FRA10AC1: variants seen among roughly 807,000 people sequenced by gnomAD.
FRA10AC1 encodes the protein protein FRA10AC1.
FRA10AC1 carries 43 observed loss-of-function variants against 56.5 expected under a neutral mutation model. That is an observed-to-expected ratio of 0.76 (90% CI 0.60 to 0.98). FRA10AC1 has a LOEUF of 0.98. Among genes scored for constraint, FRA10AC1 ranks in the 50% least tolerant of loss-of-function variants. The pLI is 0.00. For synonymous variants in FRA10AC1, 112 were observed against 110.5 expected, an observed-to-expected ratio of 1.01 and a Z score of -0.09; for missense variants, 346 against 351.8, an observed-to-expected ratio of 0.98 and a Z score of 0.13.
At chr10:93,694,981 T>C in intron 4 of FRA10AC1, 44 bp from the exon 5 acceptor site, 2 of 1,024,412 alleles carry the variant, frequency 2.0e-6, no homozygotes, top group South Asian at 1.3e-5. Flanking sequence ...TAGGAGCTGT[T>C]TGGTGTCATA....
At chr10:93,689,060 GTTTT>G (rs3085158) in intron 7 of FRA10AC1, among the ~76,000 whole-genome samples, 2 of 127,016 alleles carry the variant, frequency 1.6e-5, no homozygotes, top group Non-Finnish European at 1.7e-5. Flanking sequence ...TTGTTGTGGG[GTTTT>G]TTTTTTTTTT....
chr10:93,702,540 G>GCCGCCGCCGCCA lies in FRA10AC1; in HGVS notation c.-167_-166insTGGCGGCGGCGG. On this transcript the variant is annotated 5_prime_UTR_variant, in exon 1 of 14. Coordinates refer to ENST00000359204, the MANE Select transcript of FRA10AC1 (RefSeq NM_145246.5). Reference sequence around the variant, plus strand: ...AACCACCACCGCCGCCGCCGCCGCCGCCGCCGCCCGCAACCCGCCTCTCCC... The same window carrying GCCGCCGCCGCCA: ...AACCACCACCGCCGCCGCCGCCGCCGCCGCCGCCGCCACCGCCGCCCGCAACCCGCCTCTCCC... 4.3e-6 allele frequency: 1 copy of GCCGCCGCCGCCA among 233,222 alleles called. No homozygotes were observed. The highest frequency in any genetic ancestry group is 8.3e-6 in the Non-Finnish European group (1 of 120,726). The allele number at this position is 233,222 out of a possible 1,614,324, so 14.4% of individuals were successfully genotyped here.
At position 93,702,575 on chromosome 10, in the gene FRA10AC1, C is replaced by T. The variant is rs374598208; in HGVS notation, c.-201G>A. 3 of 230,706 alleles carry T rather than the reference C, an allele frequency of 1.3e-5. No homozygotes were observed. Among genetic ancestry groups the T allele is most frequent in the East Asian group, 1.5e-4 (1 of 6,482 alleles). 14.3% of individuals were successfully genotyped at this position (230,706 alleles called of 1,614,324 possible). The stretch of plus-strand genomic sequence containing the variant: ...GCAACCCGCCTCTCCCTACGGGTCC[C>T]GACTGGGCACCACTTCCGGTCCGAC... On this transcript the variant is annotated 5_prime_UTR_variant, in exon 1 of 14. Coordinates refer to ENST00000359204, the MANE Select transcript of FRA10AC1 (RefSeq NM_145246.5).
In FRA10AC1 at chr10:93,702,543, GCCGC is replaced by G; in HGVS notation, c.-173_-170del. 1 of 226,598 alleles carries G rather than the reference GCCGC, an allele frequency of 4.4e-6. No individual in the cohort carries two copies. Among genetic ancestry groups the G allele is most frequent in the Non-Finnish European group, 8.5e-6 (1 of 116,988 alleles). The allele number at this position is 226,598 out of a possible 1,614,324, so 14.0% of individuals were successfully genotyped here. A position where few individuals can be genotyped will look rare whatever the true frequency, so the allele number is the denominator to read the frequency against. On this transcript the variant is annotated 5_prime_UTR_variant, in exon 1 of 14. Coordinates refer to ENST00000359204, the MANE Select transcript of FRA10AC1 (RefSeq NM_145246.5). The stretch of plus-strand genomic sequence containing the variant: ...CACCACCGCCGCCGCCGCCGCCGCC[GCCGC>G]CCGCAACCCGCCTCTCCCTACGGGT...
chr10:93,677,134 A>T (rs2058855248), intron 11 of FRA10AC1, among the ~76,000 whole-genome samples: 1 of 152,222 alleles, frequency 6.6e-6, no homozygotes, highest in African/African-American at 2.4e-5. Flanking sequence ...ACTGATAAGA[A>T]CACAACACAA....
chr10:93,693,899 T>C (rs888168880), intron 5 of FRA10AC1, among the ~76,000 whole-genome samples: 2 of 151,664 alleles, frequency 1.3e-5, no homozygotes, highest in East Asian at 1.9e-4. Flanking sequence ...AAAAGACTGA[T>C]ATAATGGACT....
At chr10:93,673,298 T>C (rs757137164) in intron 12 of FRA10AC1, 9 of 456,292 alleles carry the variant, frequency 2.0e-5, no homozygotes, top group Non-Finnish European at 2.6e-5. Context: ...GTAATTTCCA[T>C]GTCTACTTCC....
At chr10:93,685,562 A>T in intron 8 of FRA10AC1, 1 of 390,106 alleles carries the variant, frequency 2.6e-6, no homozygotes, top group Non-Finnish European at 4.5e-6. Flanking sequence ...CAGTCACAGA[A>T]TTCTTGCTTG....
At chr10:93,692,807 G>C in intron 5 of FRA10AC1, 78 bp from the exon 6 acceptor site, 1 of 762,658 alleles carries the variant, frequency 1.3e-6, no homozygotes, top group Non-Finnish European at 2.1e-6. Context: ...GTGAGTTTTG[G>C]AAAATTTTAT....
chr10:93,700,693 T>G (rs1225161016), intron 1 of FRA10AC1, among the ~76,000 whole-genome samples: 1 of 152,234 alleles, frequency 6.6e-6, no homozygotes, highest in African/African-American at 2.4e-5. Flanking sequence ...AATTACAGTA[T>G]TTGTGAACAG....
intron 11 of FRA10AC1, among the ~76,000 whole-genome samples, chr10:93,681,132 G>A (rs9325465): frequency 0.087 from 13,171 of 152,112 alleles, 676 homozygotes; most frequent in East Asian, 0.27. Flanking sequence ...TGACCAGTAT[G>A]AAGGCCAGGT....
At chr10:93,691,239 G>A (rs946459157) in intron 7 of FRA10AC1, among the ~76,000 whole-genome samples, 8 of 152,070 alleles carry the variant, frequency 5.3e-5, no homozygotes, top group African/African-American at 1.4e-4. Flanking sequence ...GCAGTGGCAC[G>A]ATCATAGCTC....
At chr10:93,681,834 CTG>C in intron 10 of FRA10AC1, among the ~76,000 whole-genome samples, 1 of 152,074 alleles carries the variant, frequency 6.6e-6, no homozygotes, top group East Asian at 1.9e-4. Context: ...TCTATAAGTT[CTG>C]TATACGACCA....
chr10:93,701,672 A>C (rs2059334507), intron 1 of FRA10AC1, among the ~76,000 whole-genome samples: 1 of 152,096 alleles, frequency 6.6e-6, no homozygotes, highest in Non-Finnish European at 1.5e-5. Context: ...ATTGCCTTAC[A>C]CACCTGGATT....
rs11187583 is a variant in FRA10AC1, at chr10:93,681,515, G to A, written c.752C>T (p.Ser251Phe). 0.1 allele frequency: 156,665 copies of A among 1,572,162 alleles called. 8,642 individuals are homozygous for A. The highest frequency in any genetic ancestry group is 0.14 in the Middle Eastern group (812 of 5,934). ...EESSHKKSRL[S>F]SAEEASKKKD... is the part of the protein sequence containing the mutation. ...TTTCTTGGAGGCCTCTTCTGCAGAA[G>A]ATAATCTGGATTTTTTATGTGATGA... The change falls in exon 11 of 14, where the codon TCT becomes TTT. Residue 251 changes from serine (S) to phenylalanine (F), a missense_variant. By Grantham distance (155) the Ser-to-Phe change is radical (BLOSUM62 -2). Coordinates refer to ENST00000359204, the MANE Select transcript of FRA10AC1 (RefSeq NM_145246.5).
chr10:93,688,199 A>C (rs1490712575), intron 7 of FRA10AC1, among the ~76,000 whole-genome samples: 1 of 152,224 alleles, frequency 6.6e-6, no homozygotes, highest in Non-Finnish European at 1.5e-5. Flanking sequence ...GAAATATCAA[A>C]CCATGAAGAC....
rs769975151 is a variant in FRA10AC1, at chr10:93,687,353, C to T, written c.511+51G>A. 42 of 1,336,182 alleles carry T rather than the reference C, an allele frequency of 3.1e-5. No individual in the cohort carries two copies. The East Asian group carries it at 8.6e-4, about 27-fold the overall frequency. 82.8% of individuals were successfully genotyped at this position (1,336,182 alleles called of 1,614,324 possible). A position where few individuals can be genotyped will look rare whatever the true frequency, so the allele number is the denominator to read the frequency against. Reference sequence around the variant, plus strand: ...GATCTTAATGACTCCAATTCAGTAACTTAACAAAATAAGTTTATCCTATTA... The same window carrying T: ...GATCTTAATGACTCCAATTCAGTAATTTAACAAAATAAGTTTATCCTATTA... On this transcript the variant is annotated intron_variant, in intron 8 of 13. Coordinates refer to ENST00000359204, the MANE Select transcript of FRA10AC1 (RefSeq NM_145246.5).
chr10:93,694,979 G>A lies in FRA10AC1; in HGVS notation c.220-42C>T, dbSNP rs961258247. On this transcript the variant is annotated intron_variant, in intron 4 of 13. Transcript: ENST00000359204. Reference sequence around the variant, plus strand: ...TAAGGATTTTATTCTCTTAGGAGCTGTTTGGTGTCATAATATATTGCTGAT... The same window carrying A: ...TAAGGATTTTATTCTCTTAGGAGCTATTTGGTGTCATAATATATTGCTGAT... 7 of 1,035,988 alleles carry A rather than the reference G, an allele frequency of 6.8e-6. No homozygotes were observed. In the African/African-American group the frequency reaches 9.3e-5, roughly 14 times the overall value. 64.2% of individuals were successfully genotyped at this position (1,035,988 alleles called of 1,614,324 possible). A position where few individuals can be genotyped will look rare whatever the true frequency, so the allele number is the denominator to read the frequency against.
intron 11 of FRA10AC1, among the ~76,000 whole-genome samples, chr10:93,680,538 T>C (rs1160420245): frequency 6.6e-6 from 1 of 152,310 alleles, no homozygotes; most frequent in South Asian, 2.1e-4. Flanking sequence ...TATATTACCA[T>C]GTGCAAGAAG....
Sources: allele counts gnomAD v4.1 joint callset (sites outside exome capture counted in the v4.1 genomes callset), GRCh38; gene constraint gnomAD v4.1.1; transcripts MANE v1.5; gene names NCBI Gene and HGNC (gene_info 2026-07-23, HGNC 2026-07-21).